The following PRDM16 variants were observed in gnomAD, a reference collection of about 807,000 sequenced individuals.
PRDM16 encodes histone-lysine N-methyltransferase PRDM16.
In PRDM16, 23 loss-of-function variants were observed where a neutral mutation model predicts 110.6. That is an observed-to-expected ratio of 0.21 (90% CI 0.15 to 0.29). PRDM16 has a LOEUF of 0.29. PRDM16 is among the 10% of genes least tolerant of loss of function. The pLI, the probability that PRDM16 is intolerant of heterozygous loss-of-function variation, is 1.00. For missense variants in PRDM16, 1,615 were observed against 1,794.3 expected (o/e 0.90, Z 1.81); for synonymous variants, 799 against 781.8 (o/e 1.02, Z -0.37).
Position 3,181,058 on chromosome 1 carries a change from GCGGTCTTACACACC to G in PRDM16, c.38-5053_38-5040del, listed in dbSNP as rs1293383263. ...CGGTCTTACACACGCAGTCTTACAC[GCGGTCTTACACACC>G]CGGTCTTACACACGGCCTTACACAC... On this transcript the variant is annotated intron_variant, in intron 1 of 16. Coordinates refer to ENST00000270722, the MANE Select transcript of PRDM16 (RefSeq NM_022114.4). 3.2e-4 allele frequency among the ~76,000 whole-genome samples: 19 copies of G among 59,714 alleles called. 1 individual carries two copies. The highest frequency in any genetic ancestry group is 9.8e-4 in the South Asian group (2 of 2,048). 39.2% of individuals were successfully genotyped at this position (59,714 alleles called of 152,430 possible).
At chr1:3,272,009 G>T (rs1338340729) in intron 3 of PRDM16, among the ~76,000 whole-genome samples, 1 of 152,210 alleles carries the variant, frequency 6.6e-6, no homozygotes, top group Non-Finnish European at 1.5e-5. Context: ...GCACCTGTCA[G>T]CTGTCTACCA....
rs765394108 is a variant in PRDM16, at chr1:3,425,744, G to A, written c.3103G>A (p.Ala1035Thr). Reference sequence around the variant, plus strand: ...CCTCAAGAAGCACGAGCACGAGAACGCACCAGGTGGGCCACGCGGGGTGGG... The same window carrying A: ...CCTCAAGAAGCACGAGCACGAGAACACACCAGGTGGGCCACGCGGGGTGGG... Reference protein sequence around the residue: ...RHLKKHEHENAPVSQHPGVLT... With the variant: ...RHLKKHEHENTPVSQHPGVLT... The change falls in exon 13 of 17, where the codon GCA (alanine) becomes ACA (threonine). Residue 1035 changes from alanine (A) to threonine (T), a missense_variant. This residue lies in a region of PRDM16 where 327 missense variants were observed against 359.3 expected (regional missense o/e 0.91). Coordinates refer to ENST00000270722, the MANE Select transcript of PRDM16 (RefSeq NM_022114.4). This position sits in a 1 kb window ranked among gnomAD's most constrained non-coding sequence, Gnocchi z 6.9. 58 of 1,613,378 alleles carry A rather than the reference G, an allele frequency of 3.6e-5. No individual in the cohort carries two copies. Among genetic ancestry groups the A allele is most frequent in the African/African-American group, 5.3e-5 (4 of 74,912 alleles).
In PRDM16 at chr1:3,404,970, C is replaced by T. The variant is rs1200197112; in HGVS notation, c.1032+84C>T. ...CCCGCCCCCGTGCTCCCTACACCCC[C>T]TGGTCCAAATGTAGATGGAGTGCGG... On this transcript the variant is annotated intron_variant, in intron 7 of 16. Coordinates refer to ENST00000270722, the MANE Select transcript of PRDM16 (RefSeq NM_022114.4). 3 of 1,473,330 alleles carry T rather than the reference C, an allele frequency of 2.0e-6. No individual in the cohort carries two copies. In the Admixed American group the frequency reaches 6.8e-5, roughly 33 times the overall value. The allele number at this position is 1,473,330 out of a possible 1,614,324, so 91.3% of individuals were successfully genotyped here.
intron 1 of PRDM16, among the ~76,000 whole-genome samples, chr1:3,145,995 C>G (rs774900883): frequency 1.3e-5 from 2 of 152,184 alleles, no homozygotes; most frequent in Non-Finnish European, 2.9e-5. Context: ...CACGCCTCAC[C>G]GCGGGTATCA....
intron 3 of PRDM16, among the ~76,000 whole-genome samples, chr1:3,325,955 G>A (rs1020051416): frequency 3.5e-5 from 5 of 144,272 alleles, no homozygotes; most frequent in South Asian, 2.2e-4. Context: ...GGCCATCCTC[G>A]ACGATCCTTG....
At chr1:3,322,587 T>G (rs1335908401) in intron 3 of PRDM16, among the ~76,000 whole-genome samples, 1 of 151,974 alleles carries the variant, frequency 6.6e-6, no homozygotes, top group East Asian at 1.9e-4. Flanking sequence ...TCCCTGCACG[T>G]CCGGTCTCCT....
At position 3,359,813 on chromosome 1, in the gene PRDM16, CG is replaced by C. The variant is rs1557632003; in HGVS notation, c.439-25338del. On this transcript the variant is annotated intron_variant, in intron 3 of 16. Coordinates refer to ENST00000270722, the MANE Select transcript of PRDM16 (RefSeq NM_022114.4). The surrounding 1 kb of genome is among the most constrained non-coding windows in gnomAD (Gnocchi z 4.3). ...AACGAGCCTGGCCTGAAACCACGCC[CG>C]TGCTCAAAGTGATGTTTACTTAGAA... Among the ~76,000 whole-genome samples, 3 of 148,200 alleles carry C rather than the reference CG, an allele frequency of 2.0e-5. No homozygotes were observed. Among genetic ancestry groups the C allele is most frequent in the African/African-American group, 8.0e-5 (3 of 37,712 alleles).
intron 3 of PRDM16, among the ~76,000 whole-genome samples, chr1:3,272,942 T>C (rs2100294923): frequency 6.6e-6 from 1 of 152,320 alleles, no homozygotes; most frequent in African/African-American, 2.4e-5. Context: ...GTCTCGAGTC[T>C]TGTGTCTGCC....
At chr1:3,084,859 C>T (rs115507006) in intron 1 of PRDM16, among the ~76,000 whole-genome samples, 71 of 152,306 alleles carry the variant, frequency 4.7e-4, no homozygotes, top group African/African-American at 1.5e-3. Context: ...TTCTTTGGGC[C>T]AGTAGCTCTC....
intron 3 of PRDM16, among the ~76,000 whole-genome samples, chr1:3,322,157 C>CTG (rs371089810): frequency 3.2e-4 from 48 of 149,318 alleles, no homozygotes; most frequent in Middle Eastern, 3.7e-3. Flanking sequence ...TGTGAGTGCA[C>CTG]TGTGTGTGTG....
intron 4 of PRDM16, among the ~76,000 whole-genome samples, chr1:3,391,352 C>G (rs1193937494): frequency 6.6e-6 from 1 of 152,172 alleles, no homozygotes; most frequent in Non-Finnish European, 1.5e-5. Context: ...ACAAACTGAT[C>G]CTCTTCTTGG....
chr1:3,109,313 T>C (rs998000335), intron 1 of PRDM16, among the ~76,000 whole-genome samples: 1 of 152,062 alleles, frequency 6.6e-6, no homozygotes, highest in African/African-American at 2.4e-5. Context: ...GATTCTAGCT[T>C]GTATTCAGTA....
At chr1:3,263,390 C>T (rs1315213078) in intron 3 of PRDM16, among the ~76,000 whole-genome samples, 2 of 152,236 alleles carry the variant, frequency 1.3e-5, no homozygotes, top group Admixed American at 6.5e-5. Flanking sequence ...TGGGGCCCCC[C>T]GCAGGCCTGC....
intron 1 of PRDM16, among the ~76,000 whole-genome samples, chr1:3,155,359 C>G (rs991397975): frequency 2.0e-5 from 3 of 152,230 alleles, no homozygotes; most frequent in Non-Finnish European, 4.4e-5. Flanking sequence ...TGGCTTCGCC[C>G]GATTAGCATG....
At chr1:3,347,888 G>A (rs770927535) in intron 3 of PRDM16, among the ~76,000 whole-genome samples, 37 of 152,142 alleles carry the variant, frequency 2.4e-4, no homozygotes, top group African/African-American at 8.4e-4. Context: ...GCAGCTGCCC[G>A]AGCCCATCCC....
chr1:3,218,914 C>T (rs574364174), intron 2 of PRDM16, among the ~76,000 whole-genome samples: 1 of 152,376 alleles, frequency 6.6e-6, no homozygotes, highest in South Asian at 2.1e-4. Flanking sequence ...AGCTTTCTCA[C>T]AGCTCACCCT....
chr1:3,365,384 G>A (rs572524769), intron 3 of PRDM16, among the ~76,000 whole-genome samples: 21 of 152,358 alleles, frequency 1.4e-4, no homozygotes, highest in East Asian at 9.6e-4. Context: ...GGAAAGGCGC[G>A]TGTGGCTGGG....
intron 1 of PRDM16, among the ~76,000 whole-genome samples, chr1:3,172,054 C>T (rs1026668316): frequency 6.6e-6 from 1 of 152,178 alleles, no homozygotes; most frequent in Admixed American, 6.5e-5. Flanking sequence ...TGTCCTTATG[C>T]TGCTGTGGGC....
At position 3,114,684 on chromosome 1, in the gene PRDM16, A is replaced by G. The variant is rs555234416; in HGVS notation, c.37+45388A>G. Among the ~76,000 whole-genome samples the G allele has an allele frequency of 2.0e-5, 3 of 152,296 alleles. No homozygotes were observed. The East Asian group carries it at 5.8e-4, about 30-fold the overall frequency. On this transcript the variant is annotated intron_variant, in intron 1 of 16. Transcript: ENST00000270722. ...CACACAAACACACATGCACACATGC[A>G]CCCGGGTGCACACACACACAGAGGG...
Sources: allele counts gnomAD v4.1 joint callset (sites outside exome capture counted in the v4.1 genomes callset), GRCh38; gene constraint gnomAD v4.1.1; regional missense constraint gnomAD v4.1.1; non-coding constraint Gnocchi (gnomAD v3.1); transcripts MANE v1.5; gene names NCBI Gene and HGNC (gene_info 2026-07-23, HGNC 2026-07-21).